KDM1A: variants seen among roughly 807,000 people sequenced by gnomAD.
The protein encoded by KDM1A is lysine demethylase 1A.
KDM1A carries 49 observed loss-of-function variants against 109.4 expected under a neutral mutation model. The ratio of observed to expected loss-of-function variants is 0.45; its 90% CI spans 0.36 to 0.57. KDM1A has a LOEUF of 0.57. KDM1A is among the 20% of genes least tolerant of loss of function. The pLI is 0.00. For missense variants in KDM1A, 668 were observed against 1,116.6 expected, an observed-to-expected ratio of 0.60 and a Z score of 5.73; for synonymous variants, 380 against 415.4, an observed-to-expected ratio of 0.91 and a Z score of 1.04.
chr1:23,077,555 G>A (rs964585780), intron 16 of KDM1A, among the ~76,000 whole-genome samples, 195 bp downstream of exon 16: 2 of 152,244 alleles, frequency 1.3e-5, no homozygotes, highest in African/African-American at 2.4e-5. Flanking sequence ...CTGGGAAATC[G>A]AAGCAAGTTT....
chr1:23,020,221 T>G (rs1255257546), intron 1 of KDM1A: 29 of 338,406 alleles, frequency 8.6e-5, no homozygotes, highest in Non-Finnish European at 1.5e-4. Flanking sequence ...CCTTAGGTCT[T>G]TCTTGCACAC....
intron 4 of KDM1A, among the ~76,000 whole-genome samples, chr1:23,053,099 G>A (rs1330008983): frequency 1.3e-5 from 2 of 152,024 alleles, no homozygotes; most frequent in Non-Finnish European, 1.5e-5. Context: ...CCCCAACCTC[G>A]ACATATCTAG....
Position 23,059,139 on chromosome 1 carries a change from G to C in KDM1A, c.1139G>C (p.Cys380Ser), listed in dbSNP as rs1390360340. 6.2e-7 allele frequency: 1 copy of C among 1,613,028 alleles called. No homozygotes were observed. Among genetic ancestry groups the C allele is most frequent in the Non-Finnish European group, 8.5e-7 (1 of 1,179,484 alleles). The change falls in exon 9 of 21, where the codon TGC becomes TCC. Residue 380 changes from cysteine to serine, a missense_variant. Physicochemically the swap from Cys to Ser is moderately radical, Grantham distance 112 (BLOSUM62 -1). Transcript: ENST00000400181. ...NMELAKIKQK[C>S]PLYEANGQAD... Reference sequence around the variant, plus strand: ...GAACTGGCCAAGATCAAGCAAAAATGCCCACTTTATGAAGCCAACGGACAA... The same window carrying C: ...GAACTGGCCAAGATCAAGCAAAAATCCCCACTTTATGAAGCCAACGGACAA...
chr1:23,072,440 A>C (rs1643348120), intron 14 of KDM1A, among the ~76,000 whole-genome samples: 1 of 152,170 alleles, frequency 6.6e-6, no homozygotes. Context: ...GTAAGATCTG[A>C]TATTTGGATA....
rs114211755 is a variant in KDM1A at position 23,069,590 on chromosome 1, T to C, written c.1413+439T>C. Among the ~76,000 whole-genome samples, 929 of 152,288 alleles carry C rather than the reference T, an allele frequency of 6.1e-3. 9 individuals carry two copies. The highest frequency in any genetic ancestry group is 0.02 in the African/African-American group (848 of 41,554). The stretch of plus-strand genomic sequence containing the variant: ...ATTCAAAACTGTCCTGGGCCACGAG[T>C]TGGACAAGCGTGGTTTAGCTATTCT... On this transcript the variant is annotated intron_variant, in intron 12 of 20. Transcript: ENST00000400181.
chr1:23,036,840 C>A (rs552774412), intron 2 of KDM1A, among the ~76,000 whole-genome samples: 1 of 151,958 alleles, frequency 6.6e-6, no homozygotes, highest in African/African-American at 2.4e-5. Context: ...GCATTTTCTA[C>A]AAAAAAATAA....
chr1:23,043,221 TAAA>T (rs1642404349), intron 2 of KDM1A, among the ~76,000 whole-genome samples: 1 of 152,230 alleles, frequency 6.6e-6, no homozygotes, highest in Non-Finnish European at 1.5e-5. Flanking sequence ...CCAAGGGCTG[TAAA>T]TAGGTATACC....
chr1:23,068,627 A>T lies in KDM1A; in HGVS notation c.1268A>T (p.Asn423Ile). The T allele has an allele frequency of 6.2e-7, 1 of 1,604,740 alleles. No individual in the cohort carries two copies. Among genetic ancestry groups the T allele is most frequent in the Non-Finnish European group, 8.5e-7 (1 of 1,177,978 alleles). The change falls in exon 11 of 21, where the codon AAT becomes ATT. Residue 423 changes from asparagine (N) to isoleucine (I), a missense_variant. Asn to Ile is a moderately radical substitution (Grantham distance 149). This residue lies in a region of KDM1A where 62 missense variants were observed against 82.8 expected (regional missense o/e 0.75). Coordinates refer to ENST00000400181, the MANE Select transcript of KDM1A (RefSeq NM_001009999.3). Reference protein sequence around the residue: ...TSYLSHQLDFNVLNNKPVSLG... With the variant: ...TSYLSHQLDFIVLNNKPVSLG... ...TACCTTAGTCATCAACTAGACTTCAATGTCCTCAATAATAAGCCTGTGTCC... is the reference window on the plus strand; with the variant it reads ...TACCTTAGTCATCAACTAGACTTCATTGTCCTCAATAATAAGCCTGTGTCC...
intron 1 of KDM1A, among the ~76,000 whole-genome samples, chr1:23,029,511 A>G (rs1485215356): frequency 6.6e-6 from 1 of 152,162 alleles, no homozygotes; most frequent in Non-Finnish European, 1.5e-5. Context: ...ACCCTCAATG[A>G]CACATTCACT....
intron 1 of KDM1A, among the ~76,000 whole-genome samples, chr1:23,025,188 A>G (rs986259677): frequency 6.6e-6 from 1 of 152,252 alleles, no homozygotes; most frequent in Admixed American, 6.5e-5. Context: ...TAAGTGCTCA[A>G]TATAGCACAT....
intron 1 of KDM1A, 66 bp from the exon 2 acceptor site, chr1:23,030,403 C>G: frequency 8.2e-7 from 1 of 1,216,374 alleles, no homozygotes; most frequent in Non-Finnish European, 1.1e-6. Flanking sequence ...ACTGATGGTT[C>G]CAAATAGAGT....
chr1:23,049,513 G>A (rs771839745), intron 3 of KDM1A, among the ~76,000 whole-genome samples: 1 of 151,596 alleles, frequency 6.6e-6, no homozygotes, highest in African/African-American at 2.4e-5. Context: ...GTGAAGCCCC[G>A]TCTCTACTAA....
chr1:23,068,887 G>A (rs1244681718), intron 11 of KDM1A, among the ~76,000 whole-genome samples, 174 bp from the exon 12 acceptor site: 2 of 152,048 alleles, frequency 1.3e-5, no homozygotes, highest in East Asian at 3.9e-4. Context: ...TGCTTTTATG[G>A]TATTATACTA....
Position 23,082,241 on chromosome 1 carries a change from CGTT to C in KDM1A, c.2322_2324del (p.Trp775del). On this transcript the variant is annotated inframe_deletion, in exon 20 of 21. Coordinates refer to ENST00000400181, the MANE Select transcript of KDM1A (RefSeq NM_001009999.3). ...TTAGCCCAAAGAAACTGTGGTGTCT[CGTT>C]GGCGTGCTGATCCCTGGGCTCGGGG... 1 of 1,613,698 alleles carries C rather than the reference CGTT, an allele frequency of 6.2e-7. No individual in the cohort carries two copies. The highest frequency in any genetic ancestry group is 8.5e-7 in the Non-Finnish European group (1 of 1,179,942).
At chr1:23,080,442 A>G (rs944090950) in intron 18 of KDM1A, among the ~76,000 whole-genome samples, 2 of 152,172 alleles carry the variant, frequency 1.3e-5, no homozygotes, top group Non-Finnish European at 2.9e-5. Context: ...AGTCCAAGCC[A>G]TTCTTACCTG....
rs1353662374 is a variant in KDM1A at position 23,082,258 on chromosome 1, C to G, written c.2337C>G (p.Pro779=). ...ETVVSRWRAD[P]WARGSYSYVA... is the part of the protein sequence containing the mutation. ...TGGTGTCTCGTTGGCGTGCTGATCC[C>G]TGGGCTCGGGGCTCTTATTCCTATG... Residue 779 remains proline (P), a synonymous_variant, in exon 20 of 21, where the codon CCC becomes CCG. Coordinates refer to ENST00000400181, the MANE Select transcript of KDM1A (RefSeq NM_001009999.3). 1 of 1,613,646 alleles carries G rather than the reference C, an allele frequency of 6.2e-7. No homozygotes were observed. Among genetic ancestry groups the G allele is most frequent in the African/African-American group, 1.3e-5 (1 of 74,802 alleles).
rs1221191060 is a variant in KDM1A, at chr1:23,071,362, G to A, written c.1548+3G>A. 3.7e-6 allele frequency: 6 copies of A among 1,603,288 alleles called. No homozygotes were observed. Among genetic ancestry groups the A allele is most frequent in the Admixed American group, 1.8e-5 (1 of 56,776 alleles). ...GGGATCTGACCGCCCTATGCAAGGT[G>A]TGGTATACATACATGCCTAACTGGT... On this transcript the variant is annotated splice_donor_region_variant and intron_variant, in intron 13 of 20. Transcript: ENST00000400181.
chr1:23,053,576 G>C (rs1377932093), intron 4 of KDM1A, among the ~76,000 whole-genome samples, 185 bp from the exon 5 acceptor site: 1 of 152,002 alleles, frequency 6.6e-6, no homozygotes, highest in Non-Finnish European at 1.5e-5. Context: ...AGTTGAGATG[G>C]GGTCTCACTA....
intron 3 of KDM1A, 37 bp downstream of exon 3, chr1:23,044,523 A>G: frequency 6.5e-7 from 1 of 1,549,852 alleles, no homozygotes; most frequent in Non-Finnish European, 8.7e-7. Flanking sequence ...CTTAGTAGCA[A>G]GAGCCGCCAA....
Sources: gnomAD v4.1 joint callset for allele counts (sites outside exome capture counted in the v4.1 genomes callset) on GRCh38, gnomAD v4.1.1 for gene constraint, gnomAD v4.1.1 regional missense constraint, MANE v1.5 for transcripts, NCBI Gene and HGNC (gene_info 2026-07-23, HGNC 2026-07-21) for gene names.